GNB4: variants seen among roughly 807,000 people sequenced by gnomAD.
GNB4 encodes guanine nucleotide-binding protein subunit beta-4.
GNB4 carries 28 observed loss-of-function variants against 45.2 expected under a neutral mutation model. The ratio of observed to expected loss-of-function variants is 0.62; its 90% confidence interval spans 0.46 to 0.85. The LOEUF (loss-of-function observed/expected upper bound fraction) is 0.85, where lower values mean the gene tolerates loss of function less well. Ranked by LOEUF, GNB4 falls within the 40% of genes least tolerant of loss-of-function variation. The pLI, the probability that GNB4 is intolerant of heterozygous loss-of-function variation, is 0.00. For synonymous variants in GNB4, 132 were observed against 143.7 expected (o/e 0.92, Z 0.58); for missense variants, 321 against 425.4 (o/e 0.75, Z 2.16).
chr3:179,520,992 G>C, the GNB4 span, among the ~76,000 whole-genome samples: 53 of 152,236 alleles, frequency 3.5e-4, no homozygotes, highest in Non-Finnish European at 1.2e-4. Flanking sequence ...TGTTCCATCT[G>C]CTATTCTACT....
the GNB4 span, among the ~76,000 whole-genome samples, chr3:179,486,475 C>G: frequency 3.3e-5 from 5 of 152,228 alleles, no homozygotes; most frequent in African/African-American, 1.2e-4. Context: ...TCACCTGTGC[C>G]TAAAGTTGCA....
intron 4 of GNB4, 35 bp downstream of exon 4, chr3:179,419,362 AAC>A (rs774916297): frequency 1.7e-6 from 2 of 1,170,664 alleles, no homozygotes; most frequent in East Asian, 4.7e-5. Context: ...ATAATTCTGC[AAC>A]AGTTTAAAAA....
rs928769675 is a variant in GNB4, at chr3:179,426,045, C to T, written c.57+99G>A. On this transcript the variant is annotated intron_variant, in intron 2 of 9. Transcript: ENST00000232564. The stretch of plus-strand genomic sequence containing the variant: ...GAGAGAAAAAAAGACCATTTCTAGC[C>T]TTAGAAATCATTTAATATAGACTGA... The T allele has an allele frequency of 4.0e-5, 36 of 896,294 alleles. No homozygotes were observed. In the Admixed American group the frequency reaches 6.8e-4, roughly 17 times the overall value. The allele number at this position is 896,294 out of a possible 1,614,324, so 55.5% of individuals were successfully genotyped here.
At chr3:179,483,559 A>G in the GNB4 span, among the ~76,000 whole-genome samples, 15 of 152,146 alleles carry the variant, frequency 9.9e-5, no homozygotes, top group African/African-American at 3.1e-4. Flanking sequence ...GCCTAATTTC[A>G]TTTCCCTTCT....
At chr3:179,518,242 A>C in the GNB4 span, among the ~76,000 whole-genome samples, 20 of 152,186 alleles carry the variant, frequency 1.3e-4, no homozygotes, top group Non-Finnish European at 2.8e-4. Flanking sequence ...GTAGTTCCAA[A>C]TAGCCAGAAA....
intron 1 of GNB4, among the ~76,000 whole-genome samples, chr3:179,450,472 T>G (rs1715839759): frequency 6.6e-6 from 1 of 152,208 alleles, no homozygotes; most frequent in Non-Finnish European, 1.5e-5. Context: ...AATTAAATTT[T>G]GAACGTTTTA....
At chr3:179,508,956 A>ATATATATATATATATATATATATG in the GNB4 span, among the ~76,000 whole-genome samples, 2 of 145,362 alleles carry the variant, frequency 1.4e-5, no homozygotes, top group African/African-American at 2.6e-5. Flanking sequence ...ATATATATAT[A>ATATATATATATATATATATATATG]GTCCCTGTAA....
intron 8 of GNB4, among the ~76,000 whole-genome samples, chr3:179,411,163 C>G (rs1183547750): frequency 6.6e-6 from 1 of 151,918 alleles, no homozygotes; most frequent in Non-Finnish European, 1.5e-5. Flanking sequence ...CCTAGAGGCC[C>G]CACAAATATA....
the GNB4 span, among the ~76,000 whole-genome samples, chr3:179,485,303 C>A: frequency 1.3e-5 from 2 of 151,986 alleles, no homozygotes; most frequent in African/African-American, 2.4e-5. Context: ...TGAGCCACTG[C>A]GCCCGGCCCA....
At chr3:179,509,030 G>A in the GNB4 span, among the ~76,000 whole-genome samples, 2 of 147,926 alleles carry the variant, frequency 1.4e-5, no homozygotes, top group Non-Finnish European at 3.0e-5. Flanking sequence ...CCAGAAATAT[G>A]TATTTCCTAG....
In GNB4 at chr3:179,401,103, TA is replaced by T; in HGVS notation, c.*109del. On this transcript the variant is annotated 3_prime_UTR_variant, in exon 10 of 10. Coordinates refer to ENST00000232564, the MANE Select transcript of GNB4 (RefSeq NM_021629.4). ...TGAAAGCTTGTTTTTGTAGATAATC[TA>T]ATAGAAAAATCTTCACCTGCAAATA... is the stretch of plus-strand genomic sequence containing the variant. 1.6e-6 allele frequency: 1 copy of T among 626,416 alleles called. No individual in the cohort carries two copies. The highest frequency in any genetic ancestry group is 2.5e-6 in the Non-Finnish European group (1 of 407,694). The allele number at this position is 626,416 out of a possible 1,614,324, so 38.8% of individuals were successfully genotyped here. A position where few individuals can be genotyped will look rare whatever the true frequency, so the allele number is the denominator to read the frequency against.
At chr3:179,440,876 T>TAGAGAG (rs1358506608) in intron 1 of GNB4, among the ~76,000 whole-genome samples, 3 of 110,718 alleles carry the variant, frequency 2.7e-5, no homozygotes, top group African/African-American at 1.3e-4. Flanking sequence ...TATATATAGA[T>TAGAGAG]AGATAGAGAG....
At chr3:179,476,041 A>T in the GNB4 span, among the ~76,000 whole-genome samples, 4 of 152,214 alleles carry the variant, frequency 2.6e-5, no homozygotes, top group Non-Finnish European at 5.9e-5. Flanking sequence ...ACCAGCTCAA[A>T]AGTTCAAAAT....
intron 2 of GNB4, among the ~76,000 whole-genome samples, chr3:179,424,084 A>C (rs1248338442): frequency 6.6e-6 from 1 of 152,216 alleles, no homozygotes. Context: ...GGTTGGGAGA[A>C]CCAACTTTAA....
intron 1 of GNB4, among the ~76,000 whole-genome samples, chr3:179,427,660 T>C (rs1012558682): frequency 1.3e-5 from 2 of 151,654 alleles, no homozygotes; most frequent in Non-Finnish European, 2.9e-5. Context: ...GGTCTCTGTT[T>C]GCTTTATTCT....
chr3:179,460,831 T>C, the GNB4 span, among the ~76,000 whole-genome samples: 1 of 152,120 alleles, frequency 6.6e-6, no homozygotes, highest in South Asian at 2.1e-4. Flanking sequence ...TTATCTTTTA[T>C]TTTTTATTTT....
At chr3:179,464,637 A>G in the GNB4 span, 2 of 1,157,590 alleles carry the variant, frequency 1.7e-6, no homozygotes, top group Non-Finnish European at 1.3e-6. Flanking sequence ...TGTGGGAATC[A>G]ACAGTGAGAC....
the GNB4 span, among the ~76,000 whole-genome samples, chr3:179,526,145 C>T: frequency 1.4e-4 from 21 of 152,146 alleles, no homozygotes; most frequent in African/African-American, 2.9e-4. Flanking sequence ...TGTTCTCTGG[C>T]GGGCAGGGGC....
chr3:179,502,525 G>A, the GNB4 span, among the ~76,000 whole-genome samples: 194 of 152,030 alleles, frequency 1.3e-3, 2 homozygotes, highest in African/African-American at 4.5e-3. Flanking sequence ...GAGTCACTGC[G>A]CCTGGCCTGT....
Sources: gnomAD v4.1 joint callset for allele counts (sites outside exome capture counted in the v4.1 genomes callset) on GRCh38, gnomAD v4.1.1 for gene constraint, MANE v1.5 for transcripts, NCBI Gene and HGNC (gene_info 2026-07-23, HGNC 2026-07-21) for gene names.